PDE11A: variants seen among roughly 807,000 people sequenced by gnomAD.
PDE11A encodes the protein phosphodiesterase 11A.
Under a neutral mutation model 100.5 loss-of-function variants are expected in PDE11A, and 100 were observed. The ratio of observed to expected loss-of-function variants is 1.00; its 90% CI spans 0.85 to 1.18. PDE11A has a LOEUF of 1.18. PDE11A is among the 50% of genes most tolerant of loss of function. The probability of loss-of-function intolerance (pLI) is 0.00; values close to 1 mark genes in which losing one functional copy is unlikely to be tolerated. For missense variants in PDE11A, 1,141 were observed against 1,152.6 expected (o/e 0.99, Z 0.15); for synonymous variants, 381 against 420.8 (o/e 0.91, Z 1.16).
At chr2:177,773,154 G>T (rs538043498) in intron 9 of PDE11A, among the ~76,000 whole-genome samples, 1 of 152,150 alleles carries the variant, frequency 6.6e-6, no homozygotes, top group Admixed American at 6.5e-5. Context: ...CCAAGTAGCT[G>T]GGATTACAGG....
chr2:177,776,699 G>C (rs190485381), intron 9 of PDE11A, among the ~76,000 whole-genome samples: 25 of 152,256 alleles, frequency 1.6e-4, no homozygotes, highest in African/African-American at 6.0e-4. Context: ...TACAAGAAGA[G>C]GAGTTCGGAA....
At chr2:177,701,056 G>A (rs987170918) in intron 14 of PDE11A, 65 bp downstream of exon 14, 6 of 894,396 alleles carry the variant, frequency 6.7e-6, no homozygotes, top group Non-Finnish European at 1.1e-5. Context: ...CAAAGGAAGA[G>A]AGGGAGGAAA....
upstream of PDE11A, chr2:178,072,957 T>C: frequency 1.0e-6 from 1 of 985,310 alleles, no homozygotes. Context: ...GGCGCCTGGG[T>C]ACAGGACTCC....
chr2:177,898,427 G>A lies in PDE11A; in HGVS notation c.1162-229C>T, dbSNP rs538287049. 1.6e-3 allele frequency among the ~76,000 whole-genome samples: 241 copies of A among 152,260 alleles called. 1 individual carries two copies. The highest frequency in any genetic ancestry group is 3.1e-3 in the Non-Finnish European group (210 of 68,008). On this transcript the variant is annotated intron_variant, in intron 3 of 19. Coordinates refer to ENST00000286063, the MANE Select transcript of PDE11A (RefSeq NM_016953.4). ...TAGAGCTAGTTCTTGTAACAGGTGT[G>A]AAGATAAGTAATTCAAAACCTAAGC...
intron 5 of PDE11A, among the ~76,000 whole-genome samples, chr2:177,851,650 C>T (rs560255893): frequency 6.6e-6 from 1 of 152,268 alleles, no homozygotes; most frequent in South Asian, 2.1e-4. Flanking sequence ...AAGAGGCCAA[C>T]CAATATATTG....
At chr2:177,683,755 TACA>T (rs1311458702) in intron 15 of PDE11A, among the ~76,000 whole-genome samples, 1 of 152,210 alleles carries the variant, frequency 6.6e-6, no homozygotes, top group Non-Finnish European at 1.5e-5. Context: ...CAGTTTATTC[TACA>T]ACATTACAGT....
At chr2:178,040,346 G>A (rs1320871925) in intron 1 of PDE11A, among the ~76,000 whole-genome samples, 2 of 152,178 alleles carry the variant, frequency 1.3e-5, no homozygotes, top group East Asian at 3.9e-4. Context: ...GTGAGCCATC[G>A]CACCCAGCTA....
intron 12 of PDE11A, among the ~76,000 whole-genome samples, chr2:177,714,285 G>T (rs529295229): frequency 6.6e-6 from 1 of 152,074 alleles, no homozygotes; most frequent in South Asian, 2.1e-4. Flanking sequence ...GAGCCACTAC[G>T]CCCAGCCCCC....
intron 9 of PDE11A, among the ~76,000 whole-genome samples, chr2:177,775,029 A>T (rs373959877): frequency 6.6e-6 from 1 of 152,250 alleles, no homozygotes; most frequent in East Asian, 1.9e-4. Flanking sequence ...GAAAGACTTG[A>T]CTAGCCATTG....
intron 13 of PDE11A, among the ~76,000 whole-genome samples, chr2:177,707,303 C>T (rs2081294547): frequency 6.6e-6 from 1 of 152,170 alleles, no homozygotes; most frequent in Non-Finnish European, 1.5e-5. Context: ...TAGTTCTTCT[C>T]ATTGTCTCAG....
intron 2 of PDE11A, among the ~76,000 whole-genome samples, chr2:177,948,305 C>A (rs2085468808): frequency 6.6e-6 from 1 of 152,026 alleles, no homozygotes. Context: ...TCAAGCCAAA[C>A]CTTAGAAGTA....
intron 1 of PDE11A, among the ~76,000 whole-genome samples, chr2:178,021,001 G>A (rs2086404650): frequency 6.9e-6 from 1 of 145,098 alleles, no homozygotes; most frequent in Admixed American, 7.1e-5. Flanking sequence ...CCCTCTTTTT[G>A]TCCAGGCTGG....
intron 6 of PDE11A, among the ~76,000 whole-genome samples, chr2:177,838,470 T>C (rs980380743): frequency 2.6e-5 from 4 of 152,246 alleles, no homozygotes; most frequent in Admixed American, 2.6e-4. Flanking sequence ...TAATACTTTT[T>C]AGTATTTAGT....
At chr2:178,006,272 A>G (rs1269084809) in intron 2 of PDE11A, among the ~76,000 whole-genome samples, 1 of 152,260 alleles carries the variant, frequency 6.6e-6, no homozygotes, top group Non-Finnish European at 1.5e-5. Context: ...GACAAAGAAT[A>G]ATCACTTTTG....
chr2:177,987,078 A>C (rs1360516346), intron 2 of PDE11A, among the ~76,000 whole-genome samples: 1 of 152,210 alleles, frequency 6.6e-6, no homozygotes, highest in Non-Finnish European at 1.5e-5. Flanking sequence ...TATCTACTTA[A>C]ATAGTAAAAC....
chr2:177,629,265 A>T lies in PDE11A; in HGVS notation c.*142T>A. On this transcript the variant is annotated 3_prime_UTR_variant, in exon 20 of 20. Transcript: ENST00000286063. Reference sequence around the variant, plus strand: ...TCTCTCTGCTGCTGACCATGCTTCAAGGTGAAAGCCCAGGCATGCTTCCCA... The same window carrying T: ...TCTCTCTGCTGCTGACCATGCTTCATGGTGAAAGCCCAGGCATGCTTCCCA... 1.3e-6 allele frequency: 1 copy of T among 791,094 alleles called. No individual in the cohort carries two copies. 49.0% of individuals were successfully genotyped at this position (791,094 alleles called of 1,614,324 possible). A position where few individuals can be genotyped will look rare whatever the true frequency, so the allele number is the denominator to read the frequency against.
At chr2:177,767,935 G>T (rs906569921) in intron 10 of PDE11A, among the ~76,000 whole-genome samples, 4 of 152,062 alleles carry the variant, frequency 2.6e-5, no homozygotes, top group African/African-American at 7.2e-5. Flanking sequence ...CAACAAATGG[G>T]CCCTGACTGC....
At chr2:177,945,905 GC>G (rs2085415862) in intron 2 of PDE11A, among the ~76,000 whole-genome samples, 1 of 139,078 alleles carries the variant, frequency 7.2e-6, no homozygotes, top group Non-Finnish European at 1.6e-5. Flanking sequence ...CCGGCCAGCC[GC>G]CCCGTCCGGG....
At chr2:177,655,073 G>A (rs1251619022) in intron 19 of PDE11A, among the ~76,000 whole-genome samples, 1 of 152,114 alleles carries the variant, frequency 6.6e-6, no homozygotes, top group Non-Finnish European at 1.5e-5. Flanking sequence ...AGCTGGATAA[G>A]AAGAATTTAA....
Sources: allele counts gnomAD v4.1 joint callset (sites outside exome capture counted in the v4.1 genomes callset), GRCh38; gene constraint gnomAD v4.1.1; transcripts MANE v1.5; gene names NCBI Gene and HGNC (gene_info 2026-07-23, HGNC 2026-07-21).